OXCT1: variants seen among roughly 807,000 people sequenced by gnomAD.
OXCT1 encodes the protein 3-oxoacid CoA-transferase 1.
OXCT1 carries 27 observed loss-of-function variants against 69.6 expected under a neutral mutation model. That is an observed-to-expected ratio of 0.39 (90% CI 0.29 to 0.54). The LOEUF is 0.54. Ranked by LOEUF, OXCT1 falls within the 20% of genes least tolerant of loss-of-function variation. The pLI, the probability that OXCT1 is intolerant of heterozygous loss-of-function variation, is 0.72. For synonymous variants in OXCT1, 202 were observed against 217.8 expected (o/e 0.93, Z 0.64); for missense variants, 437 against 650.2 (o/e 0.67, Z 3.57).
intron 14 of OXCT1, among the ~76,000 whole-genome samples, chr5:41,753,274 CACACACACACACACATAG>C (rs947127478): frequency 1.4e-5 from 2 of 143,802 alleles, no homozygotes; most frequent in African/African-American, 2.6e-5. Flanking sequence ...CTGCAATACA[CACACACACACACACATAG>C]ACACACACAC....
intron 11 of OXCT1, among the ~76,000 whole-genome samples, chr5:41,799,458 T>C (rs1746329883): frequency 6.6e-6 from 1 of 152,188 alleles, no homozygotes. Flanking sequence ...AGTGTTGAAG[T>C]TGAAATATAA....
chr5:41,864,935 C>A (rs1181538064), intron 1 of OXCT1, among the ~76,000 whole-genome samples: 1 of 152,142 alleles, frequency 6.6e-6, no homozygotes, highest in Non-Finnish European at 1.5e-5. Flanking sequence ...ATCCACAGCT[C>A]AACAGTCTGT....
intron 3 of OXCT1, among the ~76,000 whole-genome samples, chr5:41,859,594 C>T (rs1749622694): frequency 6.6e-6 from 1 of 151,986 alleles, no homozygotes. Flanking sequence ...ATGAGCTGAG[C>T]ACAGAAGTTC....
intron 3 of OXCT1, among the ~76,000 whole-genome samples, chr5:41,859,907 T>TATATATATAC (rs1304074270): frequency 5.8e-5 from 8 of 138,480 alleles, no homozygotes; most frequent in African/African-American, 2.1e-4. Flanking sequence ...TATATATATA[T>TATATATATAC]ACACACACAC....
chr5:41,828,751 T>G (rs1482692821), intron 7 of OXCT1, among the ~76,000 whole-genome samples: 1 of 152,222 alleles, frequency 6.6e-6, no homozygotes, highest in Non-Finnish European at 1.5e-5. Context: ...AGTTCTATGT[T>G]GATCCTTTAA....
chr5:41,859,867 A>ATATATATATATATATAT, intron 3 of OXCT1, among the ~76,000 whole-genome samples: 1 of 100,016 alleles, frequency 1.0e-5, no homozygotes, highest in Admixed American at 1.1e-4. Flanking sequence ...GTATAGTAAT[A>ATATATATATATATATAT]TATATATATA....
At chr5:41,740,957 T>A (rs1743133649) in intron 15 of OXCT1, among the ~76,000 whole-genome samples, 1 of 151,558 alleles carries the variant, frequency 6.6e-6, no homozygotes, top group South Asian at 2.1e-4. Context: ...AGAATCTTTT[T>A]TTTTTTTTTT....
chr5:41,826,527 C>G (rs1033443505), intron 7 of OXCT1, among the ~76,000 whole-genome samples: 1 of 151,760 alleles, frequency 6.6e-6, no homozygotes, highest in Admixed American at 6.6e-5. Flanking sequence ...AAAATAAACC[C>G]ATGAAATAAG....
intron 16 of OXCT1, among the ~76,000 whole-genome samples, chr5:41,737,556 A>T (rs1240359459): frequency 1.3e-5 from 2 of 152,246 alleles, no homozygotes; most frequent in Non-Finnish European, 2.9e-5. Context: ...TGGAGTGAGA[A>T]ATCCTAAATA....
intron 13 of OXCT1, among the ~76,000 whole-genome samples, chr5:41,775,979 A>G (rs1481538241): frequency 6.6e-6 from 1 of 152,156 alleles, no homozygotes; most frequent in Non-Finnish European, 1.5e-5. Flanking sequence ...AGAACGAAGT[A>G]GGGAAGGGAA....
intron 5 of OXCT1, 151 bp from the exon 6 acceptor site, chr5:41,842,932 G>A (rs1397542403): frequency 2.8e-6 from 2 of 713,292 alleles, no homozygotes; most frequent in Non-Finnish European, 5.2e-6. Context: ...AAGATAAGCA[G>A]TGTTAGGCAA....
intron 13 of OXCT1, among the ~76,000 whole-genome samples, chr5:41,778,740 C>G (rs1056730646): frequency 6.6e-6 from 1 of 152,218 alleles, no homozygotes; most frequent in African/African-American, 2.4e-5. Flanking sequence ...GTCAATGTAT[C>G]ATTTCTGCAA....
chr5:41,853,558 G>A lies in OXCT1; in HGVS notation c.279-4C>T. 2 of 1,613,426 alleles carry A rather than the reference G, an allele frequency of 1.2e-6. No individual in the cohort carries two copies. The highest frequency in any genetic ancestry group is 1.1e-5 in the South Asian group (1 of 91,074). On this transcript the variant is annotated splice_region_variant and splice_polypyrimidine_tract_variant and intron_variant, in intron 3 of 16. Transcript: ENST00000196371. ...CCCCAAACCAAAATTGTCAACCCTA[G>A]AAGGAAAATGAAGGGAGCTTACCAA...
At chr5:41,861,032 A>G (rs1030131513) in intron 3 of OXCT1, among the ~76,000 whole-genome samples, 2 of 152,176 alleles carry the variant, frequency 1.3e-5, no homozygotes, top group Non-Finnish European at 2.9e-5. Context: ...ACTTCAATAC[A>G]TTTTAAGTTT....
chr5:41,824,189 T>C (rs1235890273), intron 7 of OXCT1, among the ~76,000 whole-genome samples: 7 of 152,182 alleles, frequency 4.6e-5, no homozygotes, highest in Non-Finnish European at 7.4e-5. Flanking sequence ...CTTAAAGTCT[T>C]TCCTTATCCT....
chr5:41,868,001 C>T (rs1750079872), intron 1 of OXCT1, among the ~76,000 whole-genome samples: 1 of 152,190 alleles, frequency 6.6e-6, no homozygotes, highest in Non-Finnish European at 1.5e-5. Context: ...TCAACATCAC[C>T]TGGAACTTAT....
chr5:41,834,520 G>C (rs1748263060), intron 7 of OXCT1, among the ~76,000 whole-genome samples: 1 of 148,360 alleles, frequency 6.7e-6, no homozygotes, highest in Non-Finnish European at 1.5e-5. Context: ...CAGAACAGGA[G>C]TAGCTATACT....
At position 41,804,448 on chromosome 5, in the gene OXCT1, A is replaced by G. The variant is rs946416473; in HGVS notation, c.955+1119T>C. 3.9e-5 allele frequency among the ~76,000 whole-genome samples: 6 copies of G among 152,272 alleles called. No individual in the cohort carries two copies. The South Asian group carries it at 1.2e-3, about 32-fold the overall frequency. On this transcript the variant is annotated intron_variant, in intron 9 of 16. Transcript: ENST00000196371. ...GACCACTTGCATAAACTGACTTGCA[A>G]ATATTTTTCACAGGCAATACAATAA...
At chr5:41,772,524 G>A (rs1236820161) in intron 13 of OXCT1, among the ~76,000 whole-genome samples, 2 of 152,168 alleles carry the variant, frequency 1.3e-5, no homozygotes, top group Non-Finnish European at 2.9e-5. Context: ...ATCATGCTAT[G>A]TATAATAAAT....
Sources: allele counts gnomAD v4.1 joint callset (sites outside exome capture counted in the v4.1 genomes callset), GRCh38; gene constraint gnomAD v4.1.1; transcripts MANE v1.5; gene names NCBI Gene and HGNC (gene_info 2026-07-23, HGNC 2026-07-21).